Variants in PCDHA2 observed in about 807,000 individuals in gnomAD.
The protein encoded by PCDHA2 is protocadherin alpha-2.
Under a neutral mutation model 66.0 loss-of-function variants are expected in PCDHA2, and 58 were observed. The observed-to-expected ratio is 0.88, with a 90% CI of 0.71 to 1.09. PCDHA2 has a LOEUF of 1.09. Among genes scored for constraint, PCDHA2 ranks in the 50% least tolerant of loss-of-function variants. The pLI is 0.00. For missense variants in PCDHA2, 1,267 were observed against 1,242.3 expected (o/e 1.02, Z -0.30); for synonymous variants, 634 against 554.0 (o/e 1.14, Z -2.03).
At chr5:140,900,100 A>G (rs1453942019) in intron 1 of PCDHA2, among the ~76,000 whole-genome samples, 1 of 152,162 alleles carries the variant, frequency 6.6e-6, no homozygotes, top group African/African-American at 2.4e-5. Flanking sequence ...ATGCGCCACC[A>G]TACCTGGCCT....
chr5:140,819,544 C>T (rs1389575775), intron 1 of PCDHA2, among the ~76,000 whole-genome samples: 2 of 152,036 alleles, frequency 1.3e-5, no homozygotes, highest in Non-Finnish European at 2.9e-5. Flanking sequence ...TAATCTGTAA[C>T]ATTTGATTGA....
chr5:140,871,665 C>G, intron 1 of PCDHA2: 1 of 1,187,684 alleles, frequency 8.4e-7, no homozygotes, highest in African/African-American at 1.5e-5. Flanking sequence ...CATCTTCAGT[C>G]TTTTAATCAT....
intron 1 of PCDHA2, among the ~76,000 whole-genome samples, chr5:140,912,893 T>C (rs1346036777): frequency 6.6e-6 from 1 of 152,262 alleles, no homozygotes; most frequent in East Asian, 1.9e-4. Context: ...TCTGTTGATA[T>C]GATGTATCAT....
Position 140,985,739 on chromosome 5 carries a change from C to CTT in PCDHA2, c.2536+3195_2536+3196dup, listed in dbSNP as rs11372071. 6.5e-3 allele frequency among the ~76,000 whole-genome samples: 761 copies of CTT among 117,902 alleles called. 21 individuals carry two copies. The highest frequency in any genetic ancestry group is 0.054 in the East Asian group (218 of 4,012). The allele number at this position is 117,902 out of a possible 152,430, so 77.3% of individuals were successfully genotyped here. On this transcript the variant is annotated intron_variant, in intron 3 of 3. Transcript: ENST00000526136. ...TTATTTTTCCTTCACTGATGAATTC[C>CTT]TTTTTTTTTTTTTTTTTTTTGAGAC...
intron 1 of PCDHA2, among the ~76,000 whole-genome samples, chr5:140,964,320 T>C (rs782388382): frequency 1.3e-5 from 2 of 152,206 alleles, no homozygotes; most frequent in Non-Finnish European, 2.9e-5. Context: ...TAAAACAGCA[T>C]AATGGACAAC....
chr5:140,962,569 T>A (rs782016565), intron 1 of PCDHA2, among the ~76,000 whole-genome samples: 17 of 152,194 alleles, frequency 1.1e-4, no homozygotes, highest in African/African-American at 1.7e-4. Context: ...TAAAAGCCAA[T>A]TGTTAATGCC....
At chr5:140,799,549 A>T (rs1762443385) in intron 1 of PCDHA2, among the ~76,000 whole-genome samples, 1 of 152,124 alleles carries the variant, frequency 6.6e-6, no homozygotes, top group Non-Finnish European at 1.5e-5. Context: ...GCACAATATA[A>T]TCATTTAGAA....
intron 1 of PCDHA2, among the ~76,000 whole-genome samples, chr5:140,905,180 TAA>T (rs2071657008): frequency 6.6e-6 from 1 of 152,224 alleles, no homozygotes; most frequent in Non-Finnish European, 1.5e-5. Flanking sequence ...GTTTTAGATT[TAA>T]GTCTTTGATC....
At chr5:140,959,203 G>A (rs1554223942) in intron 1 of PCDHA2, among the ~76,000 whole-genome samples, 1 of 152,128 alleles carries the variant, frequency 6.6e-6, no homozygotes. Context: ...ATGGTGAAAT[G>A]CTGTCCTTAC....
intron 1 of PCDHA2, chr5:140,816,760 T>C (rs2126674817): frequency 1.3e-5 from 2 of 152,266 alleles, no homozygotes; most frequent in South Asian, 2.1e-4. Context: ...TATGGACTTG[T>C]GTGTATAATT....
intron 1 of PCDHA2, among the ~76,000 whole-genome samples, chr5:140,889,411 T>A (rs1262087176): frequency 6.6e-6 from 1 of 152,020 alleles, no homozygotes; most frequent in Non-Finnish European, 1.5e-5. Flanking sequence ...CTCGAGTCAG[T>A]TACGTAGATA....
intron 3 of PCDHA2, among the ~76,000 whole-genome samples, chr5:140,984,776 G>C (rs1310495858): frequency 6.6e-6 from 1 of 152,062 alleles, no homozygotes; most frequent in Non-Finnish European, 1.5e-5. Context: ...AAGCTTACTT[G>C]CTGGGTGAGC....
At chr5:140,906,030 T>G (rs1554192342) in intron 1 of PCDHA2, among the ~76,000 whole-genome samples, 1 of 152,196 alleles carries the variant, frequency 6.6e-6, no homozygotes, top group Non-Finnish European at 1.5e-5. Flanking sequence ...CACGTTCTTC[T>G]GTCTGCTTTT....
In PCDHA2 at chr5:140,844,228, G is replaced by A. The variant is rs1179181710; in HGVS notation, c.2388+46876G>A. The stretch of plus-strand genomic sequence containing the variant: ...TCTGGTAGTCACAAATATCTTTGGT[G>A]TTTCACTATTGCCGTTTTAAGCAGT... On this transcript the variant is annotated intron_variant, in intron 1 of 3. Transcript: ENST00000526136. Among the ~76,000 whole-genome samples the A allele has an allele frequency of 2.0e-5, 3 of 149,332 alleles. 1 individual carries two copies. Among genetic ancestry groups the A allele is most frequent in the Non-Finnish European group, 3.0e-5 (2 of 66,778 alleles).
At chr5:140,989,928 A>T (rs2097366853) in intron 3 of PCDHA2, among the ~76,000 whole-genome samples, 1 of 152,032 alleles carries the variant, frequency 6.6e-6, no homozygotes, top group African/African-American at 2.4e-5. Context: ...GCAGAGATAG[A>T]TGACATTCCA....
Position 141,012,063 on chromosome 5 carries a change from T to C in PCDHA2, c.*2126T>C, listed in dbSNP as rs948658172. ...TGGGGTAAAACTTGTTACCAACACATGTGAACCATTGCTACATTGTAGGTT... is the reference window on the plus strand; with the variant it reads ...TGGGGTAAAACTTGTTACCAACACACGTGAACCATTGCTACATTGTAGGTT... On this transcript the variant is annotated 3_prime_UTR_variant, in exon 4 of 4. Transcript: ENST00000526136. The C allele has an allele frequency of 1.3e-5, 2 of 153,778 alleles. No individual in the cohort carries two copies. The highest frequency in any genetic ancestry group is 3.8e-4 in the East Asian group (2 of 5,196). The allele number at this position is 153,778 out of a possible 1,614,324, so 9.5% of individuals were successfully genotyped here. A position where few individuals can be genotyped will look rare whatever the true frequency, so the allele number is the denominator to read the frequency against.
At chr5:141,002,797 G>A (rs1025670333) in intron 3 of PCDHA2, among the ~76,000 whole-genome samples, 2 of 152,190 alleles carry the variant, frequency 1.3e-5, no homozygotes, top group African/African-American at 4.8e-5. Context: ...TATGGATGAG[G>A]AAACTGAGGC....
chr5:140,808,822 G>A, intron 1 of PCDHA2: 1 of 1,612,910 alleles, frequency 6.2e-7, no homozygotes, highest in Non-Finnish European at 8.5e-7. Context: ...TGCCACCTCT[G>A]GGCAGCAACG....
At chr5:140,862,843 C>T (rs781903712) in intron 1 of PCDHA2, 3 of 572,390 alleles carry the variant, frequency 5.2e-6, no homozygotes, top group African/African-American at 2.0e-5. Flanking sequence ...GGGCATGCCG[C>T]CTCTGAGCAG....
Sources: gnomAD v4.1 joint callset for allele counts (sites outside exome capture counted in the v4.1 genomes callset) on GRCh38, gnomAD v4.1.1 for gene constraint, MANE v1.5 for transcripts, NCBI Gene and HGNC (gene_info 2026-07-23, HGNC 2026-07-21) for gene names.